The following PTPRD variants were observed in gnomAD, a reference collection of about 807,000 sequenced individuals.
PTPRD encodes protein tyrosine phosphatase receptor type D.
A neutral mutation model predicts 214.5 loss-of-function variants in PTPRD; 34 were observed. That is an observed-to-expected ratio of 0.16 (90% CI 0.12 to 0.21). The LOEUF (loss-of-function observed/expected upper bound fraction) is 0.21. PTPRD is among the 10% of genes least tolerant of loss of function. The pLI is 1.00. For missense variants in PTPRD, 2,545 were observed against 2,398.7 expected, an observed-to-expected ratio of 1.06 and a Z score of -1.27; for synonymous variants, 1,128 against 845.7, an observed-to-expected ratio of 1.33 and a Z score of -5.79.
At chr9:8,795,186 G>A (rs544924902) in intron 11 of PTPRD, among the ~76,000 whole-genome samples, 1 of 151,924 alleles carries the variant, frequency 6.6e-6, no homozygotes, top group Non-Finnish European at 1.5e-5. Flanking sequence ...TTTTTTTTGA[G>A]ATGAGTCTCA....
intron 2 of PTPRD, among the ~76,000 whole-genome samples, chr9:10,406,838 C>G (rs2098369692): frequency 6.6e-6 from 1 of 151,530 alleles, no homozygotes; most frequent in South Asian, 2.1e-4. Flanking sequence ...TTCATAGAGT[C>G]CATTTCAATC....
intron 7 of PTPRD, among the ~76,000 whole-genome samples, chr9:9,631,903 A>G (rs2095606839): frequency 6.6e-6 from 1 of 152,218 alleles, no homozygotes; most frequent in African/African-American, 2.4e-5. Context: ...TTACATGTCA[A>G]TAAAGAATTA....
intron 2 of PTPRD, among the ~76,000 whole-genome samples, chr9:10,433,676 A>C (rs1227941286): frequency 6.6e-6 from 1 of 151,956 alleles, no homozygotes; most frequent in East Asian, 1.9e-4. Flanking sequence ...AACATTATAA[A>C]AAAGTAGTAA....
intron 30 of PTPRD, among the ~76,000 whole-genome samples, chr9:8,477,876 T>A (rs1345793825): frequency 2.0e-5 from 3 of 152,216 alleles, no homozygotes; most frequent in Admixed American, 1.3e-4. Flanking sequence ...GTTCAGAACA[T>A]AGGCTCTGGA....
At chr9:8,393,334 A>G (rs1391842245) in intron 36 of PTPRD, among the ~76,000 whole-genome samples, 1 of 152,184 alleles carries the variant, frequency 6.6e-6, no homozygotes, top group Non-Finnish European at 1.5e-5. Context: ...GAAAGAGTAT[A>G]GAATTACTAT....
At chr9:9,073,429 T>G (rs2099746672) in intron 10 of PTPRD, among the ~76,000 whole-genome samples, 1 of 152,210 alleles carries the variant, frequency 6.6e-6, no homozygotes, top group African/African-American at 2.4e-5. Flanking sequence ...TGGTACTCAG[T>G]TGTTTGGTCA....
intron 3 of PTPRD, among the ~76,000 whole-genome samples, chr9:10,282,709 C>T (rs1044897258): frequency 6.7e-6 from 1 of 150,186 alleles, no homozygotes; most frequent in African/African-American, 2.4e-5. Flanking sequence ...AGCTTTCACA[C>T]TGATTTTTTT....
chr9:10,523,695 ATGTT>A (rs1469748176), intron 2 of PTPRD, among the ~76,000 whole-genome samples: 1 of 147,714 alleles, frequency 6.8e-6, no homozygotes, highest in Admixed American at 6.8e-5. Context: ...CGGCTCTAAT[ATGTT>A]TGTTTACAGG....
At chr9:9,903,117 C>T (rs927028502) in intron 5 of PTPRD, among the ~76,000 whole-genome samples, 1 of 151,980 alleles carries the variant, frequency 6.6e-6, no homozygotes, top group African/African-American at 2.4e-5. Flanking sequence ...AATAAGTAAT[C>T]AAATGTGAAA....
chr9:9,586,252 C>T (rs1563873900), intron 7 of PTPRD, among the ~76,000 whole-genome samples: 2 of 151,940 alleles, frequency 1.3e-5, no homozygotes. Flanking sequence ...TGCTGTAGAC[C>T]TCATTATTTG....
chr9:9,669,179 T>C (rs2096778924), intron 7 of PTPRD, among the ~76,000 whole-genome samples: 1 of 152,184 alleles, frequency 6.6e-6, no homozygotes, highest in Non-Finnish European at 1.5e-5. Flanking sequence ...ATCATGCTGC[T>C]ATAAAGACAC....
intron 10 of PTPRD, among the ~76,000 whole-genome samples, chr9:9,123,068 G>T (rs958695479): frequency 2.6e-5 from 4 of 152,328 alleles, no homozygotes; most frequent in Middle Eastern, 6.8e-3. Flanking sequence ...GACAGAAGGA[G>T]AAATGAGAAC....
intron 9 of PTPRD, among the ~76,000 whole-genome samples, chr9:9,195,686 G>C (rs2099938143): frequency 6.7e-6 from 1 of 149,596 alleles, no homozygotes; most frequent in Non-Finnish European, 1.5e-5. Context: ...GACCCTAGCA[G>C]TGTTCCTCAG....
chr9:9,955,164 C>T (rs1379919481), intron 4 of PTPRD, among the ~76,000 whole-genome samples: 1 of 152,122 alleles, frequency 6.6e-6, no homozygotes, highest in African/African-American at 2.4e-5. Context: ...TAAGCACTGT[C>T]AGCAAACAAA....
intron 14 of PTPRD, among the ~76,000 whole-genome samples, chr9:8,560,934 A>C (rs1362307224): frequency 6.6e-6 from 1 of 152,144 alleles, no homozygotes; most frequent in African/African-American, 2.4e-5. Flanking sequence ...CTTTAAAAAA[A>C]AAAAAAACAC....
intron 14 of PTPRD, among the ~76,000 whole-genome samples, chr9:8,549,445 C>G (rs1401595829): frequency 6.6e-6 from 1 of 152,102 alleles, no homozygotes. Context: ...TGAGATGACC[C>G]AGCAAAGAAT....
At chr9:9,816,019 T>A (rs564385301) in intron 5 of PTPRD, among the ~76,000 whole-genome samples, 2 of 152,142 alleles carry the variant, frequency 1.3e-5, no homozygotes, top group Non-Finnish European at 2.9e-5. Flanking sequence ...GACATGCAGG[T>A]GTACTCAAGA....
chr9:8,494,861 C>T (rs1168625556), intron 26 of PTPRD, among the ~76,000 whole-genome samples: 2 of 152,048 alleles, frequency 1.3e-5, no homozygotes, highest in Admixed American at 1.3e-4. Flanking sequence ...GGTGCACTTC[C>T]TTCCTTGGTT....
At chr9:8,616,287 T>A (rs1229311922) in intron 14 of PTPRD, among the ~76,000 whole-genome samples, 1 of 152,156 alleles carries the variant, frequency 6.6e-6, no homozygotes, top group Non-Finnish European at 1.5e-5. Flanking sequence ...AATGTCGAGA[T>A]GTCAGGAGAC....
Sources: allele counts gnomAD v4.1 joint callset (sites outside exome capture counted in the v4.1 genomes callset), GRCh38; gene constraint gnomAD v4.1.1; transcripts MANE v1.5; gene names NCBI Gene and HGNC (gene_info 2026-07-23, HGNC 2026-07-21).